Variants in RFT1 observed in about 807,000 individuals in gnomAD.
The protein encoded by RFT1 is man(5)GlcNAc(2)-PP-dolichol translocation protein RFT1.
Under a neutral mutation model 62.2 loss-of-function variants are expected in RFT1, and 43 were observed. The ratio of observed to expected loss-of-function variants is 0.69; its 90% CI spans 0.54 to 0.89. RFT1 has a LOEUF of 0.89. Among genes scored for constraint, RFT1 ranks in the 40% least tolerant of loss-of-function variants. The probability of loss-of-function intolerance (pLI) is 0.00; values close to 1 mark genes in which losing one functional copy is unlikely to be tolerated. For missense variants in RFT1, 605 were observed against 649.9 expected, an observed-to-expected ratio of 0.93 and a Z score of 0.75; for synonymous variants, 262 against 264.6, an observed-to-expected ratio of 0.99 and a Z score of 0.10.
At chr3:53,112,878 T>C (rs960200094) in intron 6 of RFT1, among the ~76,000 whole-genome samples, 1 of 152,090 alleles carries the variant, frequency 6.6e-6, no homozygotes, top group African/African-American at 2.4e-5. Context: ...GAGCACAAAA[T>C]GGAAGAGCAA....
At chr3:53,121,937 T>C (rs1440726084) in intron 4 of RFT1, 137 bp from the exon 5 acceptor site, 1 of 728,070 alleles carries the variant, frequency 1.4e-6, no homozygotes, top group African/African-American at 1.7e-5. Flanking sequence ...TAAGTATCAG[T>C]AACGTTTTAC....
chr3:53,094,899 G>C (rs777589936), intron 11 of RFT1, among the ~76,000 whole-genome samples: 4 of 152,038 alleles, frequency 2.6e-5, no homozygotes, highest in Non-Finnish European at 4.4e-5. Context: ...GAACTTTCCA[G>C]AATTCACAAA....
Position 53,099,405 on chromosome 3 carries a change from G to A in RFT1, c.1184C>T (p.Ala395Val). The change falls in exon 11 of 13, where the codon GCC becomes GTC. Residue 395 changes from alanine (A) to valine (V), a missense_variant. Physicochemically the swap from Ala to Val is moderately conservative, Grantham distance 64. Transcript: ENST00000296292. ...NGVTECFTFA[A>V]MSKEEVDRYN... ...CCTGTCGACCTCCTCTTTGCTCATG[G>A]CAGCAAATGTGAAACACTCTGTCAC... 6.2e-7 allele frequency: 1 copy of A among 1,613,980 alleles called. No homozygotes were observed. The highest frequency in any genetic ancestry group is 8.5e-7 in the Non-Finnish European group (1 of 1,179,864).
chr3:53,073,333 C>A, the RFT1 span, among the ~76,000 whole-genome samples: 1 of 152,194 alleles, frequency 6.6e-6, no homozygotes, highest in Non-Finnish European at 1.5e-5. Flanking sequence ...TGGGGCTTGA[C>A]ACAAAAGGGG....
At chr3:53,116,925 G>T (rs1701827098) in intron 6 of RFT1, among the ~76,000 whole-genome samples, 1 of 152,140 alleles carries the variant, frequency 6.6e-6, no homozygotes, top group Non-Finnish European at 1.5e-5. Flanking sequence ...TAATAAACCT[G>T]AATTATGAAT....
At chr3:53,123,647 C>G (rs964990035) in intron 3 of RFT1, 77 bp downstream of exon 3, 25 of 1,145,788 alleles carry the variant, frequency 2.2e-5, no homozygotes, top group Non-Finnish European at 4.0e-6. Flanking sequence ...CAGCTTTAGG[C>G]ACGTGTTACT....
At chr3:53,082,846 G>A in the RFT1 span, among the ~76,000 whole-genome samples, 1,735 of 152,290 alleles carry the variant, frequency 0.011, 28 homozygotes, top group African/African-American at 0.039. Context: ...GCAACATGCT[G>A]TGCCGTTTAG....
At chr3:53,098,529 A>C (rs369761072) in intron 11 of RFT1, among the ~76,000 whole-genome samples, 1 of 151,776 alleles carries the variant, frequency 6.6e-6, no homozygotes. Flanking sequence ...GAGGCTGGGC[A>C]CGGTGGCTCA....
intron 11 of RFT1, among the ~76,000 whole-genome samples, chr3:53,098,557 C>T (rs1396603347): frequency 2.0e-5 from 3 of 152,170 alleles, no homozygotes; most frequent in Non-Finnish European, 2.9e-5. Context: ...AATCCCGGCA[C>T]TTTGGGAGGC....
intron 12 of RFT1, 91 bp from the exon 13 acceptor site, chr3:53,092,161 T>C (rs1392333093): frequency 2.0e-6 from 3 of 1,530,386 alleles, no homozygotes; most frequent in Non-Finnish European, 1.8e-6. Context: ...GGTTCCAGCT[T>C]CTAAGTCAGA....
the RFT1 span, among the ~76,000 whole-genome samples, chr3:53,076,969 G>C: frequency 3.4e-4 from 51 of 151,368 alleles, no homozygotes; most frequent in South Asian, 9.6e-3. Flanking sequence ...AAAAAAAAGA[G>C]TGAAAGAGTC....
chr3:53,104,496 G>A lies in RFT1; in HGVS notation c.958-399C>T, dbSNP rs1030451400. Among the ~76,000 whole-genome samples, 11 of 152,074 alleles carry A rather than the reference G, an allele frequency of 7.2e-5. 1 individual carries two copies. The South Asian group carries it at 1.9e-3, about 26-fold the overall frequency. ...CTCCTGCCTTGGCCTCCCAAAGCGT[G>A]AGGCTTACAGGCATGAGCCACTGCA... On this transcript the variant is annotated intron_variant, in intron 9 of 12. Coordinates refer to ENST00000296292, the MANE Select transcript of RFT1 (RefSeq NM_052859.4).
intron 10 of RFT1, 64 bp from the exon 11 acceptor site, chr3:53,099,550 G>A: frequency 7.9e-7 from 1 of 1,266,822 alleles, no homozygotes. Context: ...TACCCTCAGT[G>A]CTGCTGAGTA....
chr3:53,080,978 T>TG, the RFT1 span, among the ~76,000 whole-genome samples: 1 of 152,188 alleles, frequency 6.6e-6, no homozygotes, highest in African/African-American at 2.4e-5. Context: ...AATATAGGGC[T>TG]GTTGCAAGAA....
chr3:53,072,007 A>G, the RFT1 span, among the ~76,000 whole-genome samples: 1 of 152,300 alleles, frequency 6.6e-6, no homozygotes, highest in South Asian at 2.1e-4. Context: ...TTGTCATGGC[A>G]TGCACCATGG....
At chr3:53,101,101 G>T (rs1419243757) in intron 10 of RFT1, among the ~76,000 whole-genome samples, 1 of 152,158 alleles carries the variant, frequency 6.6e-6, no homozygotes, top group Non-Finnish European at 1.5e-5. Flanking sequence ...CCCCTAAACA[G>T]TTTTATGGCA....
intron 6 of RFT1, among the ~76,000 whole-genome samples, chr3:53,118,703 T>A (rs1445916772): frequency 6.6e-6 from 1 of 151,954 alleles, no homozygotes; most frequent in Non-Finnish European, 1.5e-5. Context: ...TCATGAAGTG[T>A]CTTAGCAGAG....
chr3:53,070,999 G>A, the RFT1 span, among the ~76,000 whole-genome samples: 1 of 151,986 alleles, frequency 6.6e-6, no homozygotes, highest in African/African-American at 2.4e-5. Context: ...CCAAAGTGCT[G>A]GGATTACAGG....
At chr3:53,130,198 G>T in intron 1 of RFT1, 140 bp downstream of exon 1, 2 of 851,226 alleles carry the variant, frequency 2.3e-6, no homozygotes, top group Non-Finnish European at 3.9e-6. Context: ...CACCGTCTCC[G>T]GTCGACCCCC....
Sources: allele counts gnomAD v4.1 joint callset (sites outside exome capture counted in the v4.1 genomes callset), GRCh38; gene constraint gnomAD v4.1.1; transcripts MANE v1.5; gene names NCBI Gene and HGNC (gene_info 2026-07-23, HGNC 2026-07-21).